Variants in RGS22 observed in about 807,000 individuals in gnomAD.
RGS22 encodes regulator of G protein signaling 22.
Under a neutral mutation model 172.9 loss-of-function variants are expected in RGS22, and 148 were observed. The observed-to-expected ratio is 0.86, with a 90% CI of 0.75 to 0.98. RGS22 has a LOEUF of 0.98. Among genes scored for constraint, RGS22 ranks in the 50% least tolerant of loss-of-function variants. RGS22 has a pLI of 0.00. For synonymous variants in RGS22, 458 were observed against 480.2 expected, an observed-to-expected ratio of 0.95 and a Z score of 0.60; for missense variants, 1,347 against 1,440.8, an observed-to-expected ratio of 0.93 and a Z score of 1.05.
chr8:100,105,225 A>G (rs1813831384), intron 2 of RGS22, 149 bp downstream of exon 2: 1 of 620,098 alleles, frequency 1.6e-6, no homozygotes, highest in South Asian at 2.1e-5. Flanking sequence ...AGAATTTAAA[A>G]AGATCTTGTA....
In RGS22 at chr8:100,009,796, T is replaced by A. The variant is rs547117824; in HGVS notation, c.2167-1227A>T. On this transcript the variant is annotated intron_variant, in intron 14 of 27. Transcript: ENST00000360863. ...AAATAATCTTTTAAGACTTAAAGGG[T>A]CCATGTTAACAACAGAAGCATTTAC... 1.4e-4 allele frequency among the ~76,000 whole-genome samples: 21 copies of A among 152,226 alleles called. No individual in the cohort carries two copies. The South Asian group carries it at 4.1e-3, about 30-fold the overall frequency.
intron 10 of RGS22, among the ~76,000 whole-genome samples, chr8:100,048,750 G>C (rs1674500073): frequency 6.6e-6 from 1 of 152,028 alleles, no homozygotes; most frequent in Admixed American, 6.6e-5. Context: ...AAGAGGCTGA[G>C]CTTATTATTA....
Position 100,041,844 on chromosome 8 carries a change from C to G in RGS22, c.1896G>C (p.Lys632Asn), listed in dbSNP as rs750756331. 1.1e-5 allele frequency: 18 copies of G among 1,613,052 alleles called. No individual in the cohort carries two copies. The highest frequency in any genetic ancestry group is 1.5e-5 in the Non-Finnish European group (18 of 1,179,422). ...TSFTDISECL[K>N]PQLDRRYAYT... Reference sequence around the variant, plus strand: ...AAGCGTATCTTCTATCCAGCTGGGGCTTGAGACATTCAGAAATGTCAGTAA... The same window carrying G: ...AAGCGTATCTTCTATCCAGCTGGGGGTTGAGACATTCAGAAATGTCAGTAA... The change falls in exon 12 of 28, where the codon AAG (lysine) becomes AAC (asparagine). Residue 632 changes from lysine (K) to asparagine (N), a missense_variant. Lys to Asn is a moderately conservative substitution (Grantham distance 94, BLOSUM62 0). Coordinates refer to ENST00000360863, the MANE Select transcript of RGS22 (RefSeq NM_015668.5).
intron 23 of RGS22, among the ~76,000 whole-genome samples, chr8:99,967,090 G>A (rs1174441637): frequency 2.0e-5 from 3 of 152,160 alleles, no homozygotes; most frequent in Non-Finnish European, 4.4e-5. Flanking sequence ...GAAGCAGGGT[G>A]GGGTGTTGCC....
chr8:100,105,880 G>C lies in RGS22; in HGVS notation c.25+17C>G. 6.6e-7 allele frequency: 1 copy of C among 1,504,718 alleles called. No individual in the cohort carries two copies. The highest frequency in any genetic ancestry group is 8.9e-7 in the Non-Finnish European group (1 of 1,127,952). The allele number at this position is 1,504,718 out of a possible 1,614,324, so 93.2% of individuals were successfully genotyped here. On this transcript the variant is annotated intron_variant, in intron 1 of 27. Transcript: ENST00000360863. ...CGCCGCGGGCTGATCCTCTGTCCCTGTGGGGCCGCCACCTACCCGCGGTGA... is the reference window on the plus strand; with the variant it reads ...CGCCGCGGGCTGATCCTCTGTCCCTCTGGGGCCGCCACCTACCCGCGGTGA...
chr8:99,973,810 A>C (rs1319542700), intron 23 of RGS22, among the ~76,000 whole-genome samples: 1 of 150,466 alleles, frequency 6.6e-6, no homozygotes, highest in African/African-American at 2.4e-5. Flanking sequence ...CAGAGGTTGC[A>C]GTGAGTCGAG....
intron 14 of RGS22, 47 bp from the exon 15 acceptor site, chr8:100,008,616 A>G (rs1222689786): frequency 2.1e-6 from 3 of 1,453,072 alleles, no homozygotes; most frequent in African/African-American, 2.9e-5. Flanking sequence ...GAGAAGCCAC[A>G]ATGGTTAGCA....
intron 14 of RGS22, among the ~76,000 whole-genome samples, chr8:100,028,552 C>T (rs1818428992): frequency 6.6e-6 from 1 of 151,662 alleles, no homozygotes; most frequent in Non-Finnish European, 1.5e-5. Flanking sequence ...AATTTGGTAT[C>T]GTGAGTTTAC....
chr8:100,077,948 T>A lies in RGS22; in HGVS notation c.339+2186A>T, dbSNP rs1000972991. Among the ~76,000 whole-genome samples, 3 of 152,146 alleles carry A rather than the reference T, an allele frequency of 2.0e-5. No individual in the cohort carries two copies. The East Asian group carries it at 5.8e-4, about 29-fold the overall frequency. ...TTAAGCTTTCTTGGTGAATTGACCC[T>A]CCCCCCTTTATCATTATGTAATGTT... On this transcript the variant is annotated intron_variant, in intron 4 of 27. Transcript: ENST00000360863.
At chr8:100,064,160 G>C in intron 7 of RGS22, 117 bp from the exon 8 acceptor site, 1 of 725,616 alleles carries the variant, frequency 1.4e-6, no homozygotes, top group Non-Finnish European at 2.1e-6. Context: ...GTGACTGCAT[G>C]GACCGGTGTC....
intron 2 of RGS22, among the ~76,000 whole-genome samples, chr8:100,094,941 T>G (rs1479015753): frequency 1.3e-5 from 2 of 152,238 alleles, no homozygotes; most frequent in Non-Finnish European, 2.9e-5. Context: ...AGTGAATAGC[T>G]TAAATAATTT....
intron 3 of RGS22, chr8:100,093,136 C>T (rs1369422188): frequency 3.9e-5 from 8 of 202,666 alleles, no homozygotes; most frequent in Admixed American, 1.2e-4. Flanking sequence ...TGCATTCCAG[C>T]GTGGGCGACA....
chr8:100,083,443 C>T (rs1055611918), intron 3 of RGS22, among the ~76,000 whole-genome samples: 1 of 152,152 alleles, frequency 6.6e-6, no homozygotes, highest in Non-Finnish European at 1.5e-5. Flanking sequence ...TCTCGGCTCA[C>T]TGCAACCTCT....
chr8:100,047,391 G>A (rs1298994986), intron 11 of RGS22, 72 bp downstream of exon 11: 8 of 1,369,420 alleles, frequency 5.8e-6, no homozygotes, highest in Non-Finnish European at 7.9e-6. Context: ...TTTAATTTCT[G>A]TTTAGTTTTT....
chr8:99,962,554 G>A, intron 26 of RGS22, 111 bp from the exon 27 acceptor site: 1 of 1,422,206 alleles, frequency 7.0e-7, no homozygotes, highest in Non-Finnish European at 9.8e-7. Context: ...ATTCTCCTAA[G>A]TTGGGGGGCA....
At chr8:100,095,800 C>A (rs1812919970) in intron 2 of RGS22, among the ~76,000 whole-genome samples, 1 of 152,124 alleles carries the variant, frequency 6.6e-6, no homozygotes, top group Admixed American at 6.5e-5. Context: ...ACTATGAAAA[C>A]CTCAGGTATT....
At chr8:100,081,020 A>G (rs1338959934) in intron 3 of RGS22, among the ~76,000 whole-genome samples, 1 of 152,182 alleles carries the variant, frequency 6.6e-6, no homozygotes, top group African/African-American at 2.4e-5. Flanking sequence ...AAATCACTGA[A>G]CATTTTTGGG....
chr8:100,007,820 A>G (rs1451616280), intron 15 of RGS22, among the ~76,000 whole-genome samples: 1 of 151,516 alleles, frequency 6.6e-6, no homozygotes, highest in African/African-American at 2.4e-5. Context: ...ACTGCACTCC[A>G]GCCTGGGTGA....
At chr8:99,982,346 C>A (rs1367173183) in intron 21 of RGS22, among the ~76,000 whole-genome samples, 1 of 152,154 alleles carries the variant, frequency 6.6e-6, no homozygotes, top group Non-Finnish European at 1.5e-5. Context: ...TTCATATAAT[C>A]CTGATCACTT....
Sources: allele counts gnomAD v4.1 joint callset (sites outside exome capture counted in the v4.1 genomes callset), GRCh38; gene constraint gnomAD v4.1.1; transcripts MANE v1.5; gene names NCBI Gene and HGNC (gene_info 2026-07-23, HGNC 2026-07-21).